The following ARHGAP32 variants were observed in gnomAD, a reference collection of about 807,000 sequenced individuals.
The protein encoded by ARHGAP32 is rho GTPase-activating protein 32.
A neutral mutation model predicts 186.5 loss-of-function variants in ARHGAP32; 51 were observed. The ratio of observed to expected loss-of-function variants is 0.27; its 90% CI spans 0.22 to 0.35. ARHGAP32 has a LOEUF of 0.35. Among genes scored for constraint, ARHGAP32 ranks in the 10% least tolerant of loss-of-function variants. The pLI is 1.00. For synonymous variants in ARHGAP32, 950 were observed against 964.3 expected (o/e 0.99, Z 0.27); for missense variants, 2,186 against 2,623.5 (o/e 0.83, Z 3.64).
At chr11:128,988,387 T>G (rs1232809941) in intron 12 of ARHGAP32, among the ~76,000 whole-genome samples, 4 of 152,196 alleles carry the variant, frequency 2.6e-5, no homozygotes, top group Non-Finnish European at 5.9e-5. Flanking sequence ...CATACATTAT[T>G]AGGACAGTCT....
intron 1 of ARHGAP32, among the ~76,000 whole-genome samples, chr11:129,240,442 C>A (rs1270773247): frequency 3.3e-5 from 5 of 152,146 alleles, no homozygotes; most frequent in African/African-American, 9.7e-5. Context: ...ACCCAGCCTT[C>A]AGTAGGCCCA....
intron 5 of ARHGAP32, among the ~76,000 whole-genome samples, chr11:129,113,695 T>C (rs1436036270): frequency 6.6e-6 from 1 of 152,144 alleles, no homozygotes; most frequent in Non-Finnish European, 1.5e-5. Flanking sequence ...TTCAAACCCA[T>C]GTTGTTCAAG....
At chr11:129,002,933 C>T (rs1038828123) in intron 11 of ARHGAP32, among the ~76,000 whole-genome samples, 3 of 150,288 alleles carry the variant, frequency 2.0e-5, no homozygotes, top group Admixed American at 6.6e-5. Flanking sequence ...CTCAGCCTCC[C>T]GAGTAGCTGG....
At chr11:129,279,598 T>C (rs193290431), upstream of ARHGAP32, among the ~76,000 whole-genome samples, 317 of 144,558 alleles carry the variant, frequency 2.2e-3, 8 homozygotes, top group East Asian at 0.059. Context: ...CTCCGCCTCC[T>C]CCTGCACCCG....
rs919253706 is a variant in ARHGAP32, at chr11:129,142,511, G to A, written c.226-17617C>T. Among the ~76,000 whole-genome samples the A allele has an allele frequency of 2.0e-5, 3 of 151,866 alleles. No homozygotes were observed. In the East Asian group the frequency reaches 5.8e-4, roughly 29 times the overall value. On this transcript the variant is annotated intron_variant, in intron 2 of 22. Transcript: ENST00000682385. ...TACATGAGATCAACTGAATAAACAAGGTTTCAATACTAAATTTGTACTGTC... is the reference window on the plus strand; with the variant it reads ...TACATGAGATCAACTGAATAAACAAAGTTTCAATACTAAATTTGTACTGTC...
intron 2 of ARHGAP32, among the ~76,000 whole-genome samples, chr11:129,145,671 C>T (rs968015889): frequency 1.4e-4 from 22 of 152,118 alleles, no homozygotes; most frequent in African/African-American, 5.3e-4. Context: ...TAGTCACATG[C>T]TTAAGCATTG....
chr11:129,222,433 G>A (rs1047032586), intron 1 of ARHGAP32, among the ~76,000 whole-genome samples: 1 of 152,108 alleles, frequency 6.6e-6, no homozygotes, highest in African/African-American at 2.4e-5. Context: ...ATTGCCAAAA[G>A]CTATGCCCTG....
At chr11:129,194,509 A>G (rs1387747536), upstream of ARHGAP32, among the ~76,000 whole-genome samples, 1 of 152,224 alleles carries the variant, frequency 6.6e-6, no homozygotes, top group Non-Finnish European at 1.5e-5. Context: ...ATAGGGCAGT[A>G]TGTGCAGTAT....
intron 2 of ARHGAP32, among the ~76,000 whole-genome samples, chr11:129,141,472 T>A (rs1035504001): frequency 6.6e-6 from 1 of 151,846 alleles, no homozygotes; most frequent in African/African-American, 2.4e-5. Flanking sequence ...GGGCCTGTCA[T>A]GGGGTAGGGG....
chr11:129,270,588 G>C (rs1945461530), intron 1 of ARHGAP32, among the ~76,000 whole-genome samples: 1 of 151,548 alleles, frequency 6.6e-6, no homozygotes, highest in South Asian at 2.1e-4. Context: ...TTTCAATGTA[G>C]GCTCATCAAC....
At chr11:129,028,752 T>A (rs931114783) in intron 11 of ARHGAP32, among the ~76,000 whole-genome samples, 12 of 152,020 alleles carry the variant, frequency 7.9e-5, no homozygotes, top group Admixed American at 1.3e-4. Flanking sequence ...GGAGAGGAGA[T>A]GGGATTAGGG....
At chr11:129,070,710 A>G (rs563520154) in intron 6 of ARHGAP32, among the ~76,000 whole-genome samples, 4 of 152,096 alleles carry the variant, frequency 2.6e-5, no homozygotes, top group Middle Eastern at 3.4e-3. Context: ...TCGTTGTGAA[A>G]TGAAAAGTTA....
chr11:129,210,856 C>T (rs994914627), intron 1 of ARHGAP32, among the ~76,000 whole-genome samples: 1 of 152,062 alleles, frequency 6.6e-6, no homozygotes. Flanking sequence ...ACTATTTTTC[C>T]CACACTTTTT....
At chr11:129,063,774 T>C (rs750055445) in intron 9 of ARHGAP32, 128 bp downstream of exon 9, 7 of 1,103,608 alleles carry the variant, frequency 6.3e-6, no homozygotes, top group Non-Finnish European at 7.6e-6. Flanking sequence ...GGCTGAAATA[T>C]AAAAGACTAT....
At chr11:129,229,208 T>C (rs995664116) in intron 1 of ARHGAP32, among the ~76,000 whole-genome samples, 2 of 152,200 alleles carry the variant, frequency 1.3e-5, no homozygotes, top group African/African-American at 4.8e-5. Context: ...AACTTGGGCA[T>C]TATTGCAAAA....
At chr11:129,151,605 T>A (rs754197919) in intron 2 of ARHGAP32, among the ~76,000 whole-genome samples, 9 of 152,112 alleles carry the variant, frequency 5.9e-5, no homozygotes, top group Non-Finnish European at 1.2e-4. Context: ...TTAAATAATC[T>A]GCTCTTCAAT....
intron 2 of ARHGAP32, among the ~76,000 whole-genome samples, chr11:129,136,705 T>C (rs939162041): frequency 3.9e-5 from 6 of 152,092 alleles, no homozygotes; most frequent in African/African-American, 1.4e-4. Context: ...AGAACATCTA[T>C]TAAGTCTTTA....
At chr11:128,973,940 T>G in intron 21 of ARHGAP32, 184 bp downstream of exon 21, 1 of 658,472 alleles carries the variant, frequency 1.5e-6, no homozygotes, top group Non-Finnish European at 2.5e-6. Flanking sequence ...CCATTGGCCC[T>G]TTTGGGGAGT....
intron 2 of ARHGAP32, 78 bp downstream of exon 2, chr11:129,164,241 C>T (rs1445990779): frequency 1.1e-5 from 10 of 893,626 alleles, no homozygotes; most frequent in Non-Finnish European, 1.7e-5. Flanking sequence ...TGTAATGTGT[C>T]CTCAGTTCCT....
Sources: allele counts gnomAD v4.1 joint callset (sites outside exome capture counted in the v4.1 genomes callset), GRCh38; gene constraint gnomAD v4.1.1; transcripts MANE v1.5; gene names NCBI Gene and HGNC (gene_info 2026-07-23, HGNC 2026-07-21).